Variants in FAP observed in about 807,000 individuals in gnomAD.
FAP encodes the protein fibroblast activation protein alpha, also known as prolyl endopeptidase FAP.
FAP carries 110 observed loss-of-function variants against 126.5 expected under a neutral mutation model. That is an observed-to-expected ratio of 0.87 (90% CI 0.74 to 1.02). FAP has a LOEUF of 1.02. FAP is among the 50% of genes least tolerant of loss of function. The pLI, the probability that FAP is intolerant of heterozygous loss-of-function variation, is 0.00. For synonymous variants in FAP, 334 were observed against 297.3 expected (o/e 1.12, Z -1.27); for missense variants, 919 against 909.2 (o/e 1.01, Z -0.14).
intron 4 of FAP, 22 bp downstream of exon 4, chr2:162,225,461 G>A: frequency 6.3e-7 from 1 of 1,589,404 alleles, no homozygotes; most frequent in East Asian, 2.3e-5. Context: ...TTCTGAGGGG[G>A]AAGATGATGT....
intron 6 of FAP, among the ~76,000 whole-genome samples, chr2:162,221,913 G>T (rs1265415019): frequency 6.6e-6 from 1 of 151,956 alleles, no homozygotes; most frequent in Non-Finnish European, 1.5e-5. Context: ...AAACAAGTTT[G>T]CCATCCATCC....
At chr2:162,189,044 G>C in intron 19 of FAP, 59 bp downstream of exon 19, 1 of 1,064,626 alleles carries the variant, frequency 9.4e-7, no homozygotes, top group Non-Finnish European at 1.4e-6. Context: ...TCATAAATGT[G>C]TATTTCATCT....
chr2:162,209,672 GT>G (rs1409606756), intron 12 of FAP: 4 of 348,646 alleles, frequency 1.1e-5, no homozygotes, highest in African/African-American at 2.1e-5. Context: ...TATTGTATTT[GT>G]TTAAAAAGTA....
chr2:162,222,536 A>G (rs1396328906), intron 6 of FAP, among the ~76,000 whole-genome samples: 1 of 152,188 alleles, frequency 6.6e-6, no homozygotes, highest in African/African-American at 2.4e-5. Flanking sequence ...ACAAAAGGGG[A>G]AATAGACCAG....
chr2:162,198,625 A>T, intron 16 of FAP, 132 bp downstream of exon 16: 1 of 1,178,018 alleles, frequency 8.5e-7, no homozygotes, highest in South Asian at 1.6e-5. Flanking sequence ...TTTTTTTTCT[A>T]TAAGCACAAG....
intron 24 of FAP, 36 bp downstream of exon 24, chr2:162,173,113 G>C: frequency 1.9e-6 from 3 of 1,561,592 alleles, no homozygotes; most frequent in Non-Finnish European, 2.6e-6. Context: ...TGCTGGCTCA[G>C]TATTTTTATG....
In FAP at chr2:162,199,906, G is replaced by A. The variant is rs76446524; in HGVS notation, c.1277+660C>T. On this transcript the variant is annotated intron_variant, in intron 15 of 25. Transcript: ENST00000188790. ...GAACTTTGGAAACATTAGGGAGGCA[G>A]TTAACAGCAAGGGCTCAGAGATCAG... is the stretch of plus-strand genomic sequence containing the variant. Among the ~76,000 whole-genome samples, 791 of 152,354 alleles carry A rather than the reference G, an allele frequency of 5.2e-3. 10 individuals carry two copies. The highest frequency in any genetic ancestry group is 0.031 in the Middle Eastern group (9 of 294).
At chr2:162,229,524 A>G (rs1015960576) in intron 2 of FAP, among the ~76,000 whole-genome samples, 5 of 152,164 alleles carry the variant, frequency 3.3e-5, no homozygotes, top group African/African-American at 1.2e-4. Context: ...GCCTAGCTCC[A>G]TAACTGAACT....
At chr2:162,197,459 C>A (rs755033768) in intron 16 of FAP, 2 of 430,638 alleles carry the variant, frequency 4.6e-6, no homozygotes, top group Non-Finnish European at 9.4e-6. Context: ...TAATGTATAC[C>A]TTTAAATGCC....
chr2:162,215,125 T>C (rs553407392), intron 10 of FAP, among the ~76,000 whole-genome samples: 1 of 152,330 alleles, frequency 6.6e-6, no homozygotes, highest in South Asian at 2.1e-4. Flanking sequence ...TGTTTGATTA[T>C]ACAAGAGTGG....
At chr2:162,184,806 G>A (rs1160597439) in intron 20 of FAP, among the ~76,000 whole-genome samples, 5 of 152,116 alleles carry the variant, frequency 3.3e-5, no homozygotes, top group African/African-American at 1.2e-4. Context: ...GGTGCTTGAA[G>A]ACAGTTCTGA....
chr2:162,189,583 T>C, intron 18 of FAP, 73 bp downstream of exon 18: 1 of 797,992 alleles, frequency 1.3e-6, no homozygotes, highest in Non-Finnish European at 2.1e-6. Context: ...TAACATTCAC[T>C]CTATGCTTTT....
At chr2:162,229,191 T>C (rs954506066) in intron 2 of FAP, among the ~76,000 whole-genome samples, 1 of 152,186 alleles carries the variant, frequency 6.6e-6, no homozygotes. Flanking sequence ...TTTATAGCTA[T>C]AATTAATCTT....
At chr2:162,185,748 A>C (rs746778244) in intron 20 of FAP, among the ~76,000 whole-genome samples, 3 of 152,056 alleles carry the variant, frequency 2.0e-5, no homozygotes, top group Admixed American at 1.3e-4. Flanking sequence ...TCAGGGGAGA[A>C]ATTTTATTCT....
chr2:162,174,843 T>A, intron 22 of FAP, 24 bp downstream of exon 22: 1 of 1,498,708 alleles, frequency 6.7e-7, no homozygotes, highest in Non-Finnish European at 9.3e-7. Flanking sequence ...GCTTTCACAG[T>A]AACATTAATG....
chr2:162,185,270 G>C (rs959415546), intron 20 of FAP, among the ~76,000 whole-genome samples: 1 of 152,138 alleles, frequency 6.6e-6, no homozygotes, highest in African/African-American at 2.4e-5. Context: ...TGGAATCATA[G>C]CGATCAATTA....
chr2:162,217,238 A>T (rs1365428388), intron 9 of FAP, among the ~76,000 whole-genome samples: 3 of 152,232 alleles, frequency 2.0e-5, no homozygotes. Flanking sequence ...GGCAAGTAAA[A>T]GCAATAGCAT....
intron 3 of FAP, 89 bp from the exon 4 acceptor site, chr2:162,225,666 C>T (rs1689614866): frequency 7.4e-7 from 1 of 1,351,150 alleles, no homozygotes; most frequent in Non-Finnish European, 9.8e-7. Flanking sequence ...TTTCACAGAC[C>T]TACTTTGTTT....
intron 17 of FAP, among the ~76,000 whole-genome samples, chr2:162,191,901 G>T (rs1688063164): frequency 6.6e-6 from 1 of 152,094 alleles, no homozygotes; most frequent in Non-Finnish European, 1.5e-5. Flanking sequence ...CCACTTCACT[G>T]TGTTCCAACT....
Sources: gnomAD v4.1 joint callset for allele counts (sites outside exome capture counted in the v4.1 genomes callset) on GRCh38, gnomAD v4.1.1 for gene constraint, MANE v1.5 for transcripts, NCBI Gene and HGNC (gene_info 2026-07-23, HGNC 2026-07-21) for gene names.